BST1: variants seen among roughly 807,000 people sequenced by gnomAD.
BST1 encodes the protein ADP-ribosyl cyclase/cyclic ADP-ribose hydrolase 2.
Under a neutral mutation model 40.6 loss-of-function variants are expected in BST1, and 49 were observed. That is an observed-to-expected ratio of 1.21 (90% CI 0.96 to 1.53). The LOEUF (loss-of-function observed/expected upper bound fraction) is 1.53. Ranked by LOEUF, BST1 falls within the 40% of genes most tolerant of loss-of-function variation. BST1 has a pLI of 0.00. For missense variants in BST1, 423 were observed against 395.9 expected, an observed-to-expected ratio of 1.07 and a Z score of -0.58; for synonymous variants, 157 against 159.3, an observed-to-expected ratio of 0.99 and a Z score of 0.11.
Position 15,729,111 on chromosome 4 carries a change from T to C in BST1, c.852-2629T>C, listed in dbSNP as rs190719347. 5.0e-3 allele frequency among the ~76,000 whole-genome samples: 767 copies of C among 152,336 alleles called. 3 individuals are homozygous for C. The highest frequency in any genetic ancestry group is 0.017 in the African/African-American group (701 of 41,564). On this transcript the variant is annotated intron_variant, in intron 8 of 8. Coordinates refer to ENST00000265016, the MANE Select transcript of BST1 (RefSeq NM_004334.3). The stretch of plus-strand genomic sequence containing the variant: ...AGAAAGTTTTGCTAATTTAAAGTCA[T>C]TTAAAATATTTTTTAAAAAAGATGT...
At chr4:15,743,025 T>C (rs990546383), downstream of BST1, among the ~76,000 whole-genome samples, 1 of 152,206 alleles carries the variant, frequency 6.6e-6, no homozygotes, top group Non-Finnish European at 1.5e-5. Context: ...GAGGACAGTT[T>C]TGAAATTAAT....
chr4:15,703,698 T>C (rs1489748877), intron 1 of BST1, among the ~76,000 whole-genome samples: 1 of 121,292 alleles, frequency 8.2e-6, no homozygotes, highest in Non-Finnish European at 1.7e-5. Flanking sequence ...GATGTGTGTG[T>C]GTGTGCTCTA....
chr4:15,739,712 A>T (rs1167758409), downstream of BST1, among the ~76,000 whole-genome samples: 2 of 152,146 alleles, frequency 1.3e-5, no homozygotes, highest in Non-Finnish European at 2.9e-5. Context: ...GTAAAATTTT[A>T]AAATAGTTAA....
At chr4:15,703,569 T>A (rs546240618) in intron 1 of BST1, among the ~76,000 whole-genome samples, 27 of 144,620 alleles carry the variant, frequency 1.9e-4, no homozygotes, top group Admixed American at 1.0e-3. Flanking sequence ...TGAGTGTGTG[T>A]GTGTGCGCGC....
chr4:15,768,340 G>T, the BST1 span, among the ~76,000 whole-genome samples: 1 of 152,224 alleles, frequency 6.6e-6, no homozygotes, highest in East Asian at 1.9e-4. Flanking sequence ...TAGAGCATCA[G>T]TCGAAAGCTT....
At chr4:15,758,664 TGAG>T in the BST1 span, among the ~76,000 whole-genome samples, 1 of 152,236 alleles carries the variant, frequency 6.6e-6, no homozygotes, top group Non-Finnish European at 1.5e-5. Context: ...ATATTCCTTC[TGAG>T]ATTTTTGTAC....
chr4:15,754,084 G>T, the BST1 span, among the ~76,000 whole-genome samples: 4 of 152,280 alleles, frequency 2.6e-5, no homozygotes, highest in Admixed American at 1.3e-4. Flanking sequence ...CAAGTGGGGG[G>T]GTGTGAGGCC....
the BST1 span, among the ~76,000 whole-genome samples, chr4:15,763,675 C>T: frequency 3.3e-5 from 5 of 152,072 alleles, no homozygotes; most frequent in South Asian, 1.0e-3. Context: ...ATAACCAAGA[C>T]ATTCTTCAGT....
At chr4:15,724,800 A>G (rs568917246) in intron 8 of BST1, among the ~76,000 whole-genome samples, 2 of 152,326 alleles carry the variant, frequency 1.3e-5, no homozygotes, top group East Asian at 3.9e-4. Flanking sequence ...TTAGTAATAG[A>G]ACCCTTGAAT....
At chr4:15,721,638 A>C (rs1720813860) in intron 7 of BST1, among the ~76,000 whole-genome samples, 1 of 128,230 alleles carries the variant, frequency 7.8e-6, no homozygotes, top group African/African-American at 2.9e-5. Flanking sequence ...AGGGAATATC[A>C]CACACTGGGG....
At chr4:15,704,429 GTT>G (rs1436817530) in intron 1 of BST1, among the ~76,000 whole-genome samples, 1 of 146,164 alleles carries the variant, frequency 6.8e-6, no homozygotes, top group Non-Finnish European at 1.5e-5. Flanking sequence ...CTAGAGGTGA[GTT>G]GTGTGTGTGT....
At chr4:15,764,873 G>GGGGTGTGTGTGTGTGT in the BST1 span, among the ~76,000 whole-genome samples, 66 of 137,458 alleles carry the variant, frequency 4.8e-4, 2 homozygotes, top group African/African-American at 1.7e-3. Flanking sequence ...AATTAGGTGA[G>GGGGTGTGTGTGTGTGT]GTGTGTGTGT....
At chr4:15,716,658 A>G (rs1435863030) in intron 6 of BST1, among the ~76,000 whole-genome samples, 1 of 152,236 alleles carries the variant, frequency 6.6e-6, no homozygotes, top group Non-Finnish European at 1.5e-5. Context: ...CTACTTAATT[A>G]CGTAAGTTAT....
At chr4:15,748,775 A>T in the BST1 span, among the ~76,000 whole-genome samples, 2 of 152,214 alleles carry the variant, frequency 1.3e-5, no homozygotes, top group African/African-American at 2.4e-5. Context: ...TTCTTCCCTT[A>T]GCACATGATG....
At chr4:15,725,344 T>C (rs1171663018) in intron 8 of BST1, among the ~76,000 whole-genome samples, 1 of 152,180 alleles carries the variant, frequency 6.6e-6, no homozygotes, top group Non-Finnish European at 1.5e-5. Flanking sequence ...CAGCATGTAT[T>C]CTAGGAGCCA....
At chr4:15,766,683 GC>G in the BST1 span, among the ~76,000 whole-genome samples, 2 of 149,122 alleles carry the variant, frequency 1.3e-5, no homozygotes, top group Non-Finnish European at 3.0e-5. Flanking sequence ...CAACGAGCAT[GC>G]TTTTCTGTTG....
rs768311987 is a variant in BST1 at position 15,711,841 on chromosome 4, CTG to C, written c.489_490del (p.Cys163Ter). 6 of 1,614,094 alleles carry C rather than the reference CTG, an allele frequency of 3.7e-6. No individual in the cohort carries two copies. Among genetic ancestry groups the C allele is most frequent in the African/African-American group, 1.3e-5 (1 of 75,042 alleles). Reference protein sequence around the residue: ...DYQSCPTSEDCENNPVDSFWK... With the variant: ...DYQSCPTSEDXENNPVDSFWK... The stretch of plus-strand genomic sequence containing the variant: ...ACCAATCCTGCCCTACATCAGAAGA[CTG>C]TGAAAATAATCCTGTGGATTCCTTT... On this transcript the variant is annotated frameshift_variant, in exon 4 of 9. Transcript: ENST00000265016. LOFTEE classifies it high-confidence loss of function.
At chr4:15,737,219 T>C (rs1721602050), downstream of BST1, among the ~76,000 whole-genome samples, 1 of 152,236 alleles carries the variant, frequency 6.6e-6, no homozygotes. Flanking sequence ...TTACTACTAC[T>C]AGAGTTGTTT....
the BST1 span, among the ~76,000 whole-genome samples, chr4:15,758,017 G>A: frequency 2.6e-5 from 4 of 152,094 alleles, no homozygotes; most frequent in Non-Finnish European, 4.4e-5. Flanking sequence ...AATTTTTATT[G>A]TAAATTGACA....
Sources: allele counts gnomAD v4.1 joint callset (sites outside exome capture counted in the v4.1 genomes callset), GRCh38; gene constraint gnomAD v4.1.1; transcripts MANE v1.5; gene names NCBI Gene and HGNC (gene_info 2026-07-23, HGNC 2026-07-21).